KIRREL3: variants seen among roughly 807,000 people sequenced by gnomAD.
KIRREL3 encodes kirre like nephrin family adhesion molecule 3.
KIRREL3 carries 36 observed loss-of-function variants against 89.7 expected under a neutral mutation model. That is an observed-to-expected ratio of 0.40 (90% confidence interval 0.31 to 0.53). The LOEUF is 0.53. KIRREL3 is among the 20% of genes least tolerant of loss of function. KIRREL3 has a pLI of 0.49. For synonymous variants in KIRREL3, 445 were observed against 441.4 expected (o/e 1.01, Z -0.10); for missense variants, 864 against 1,056.6 (o/e 0.82, Z 2.53).
At position 126,972,168 on chromosome 11, in the gene KIRREL3, T is replaced by TAGAGAGAGAGAGAGAGAGAGAGAGAGAG. The variant is rs61426707; in HGVS notation, c.55+28259_55+28286dup. On this transcript the variant is annotated intron_variant, in intron 1 of 16. Transcript: ENST00000525144. ...CTGGTGCCTATGCAAGAGGGTCTGG[T>TAGAGAGAGAGAGAGAGAGAGAGAGAGAG]AGAGAGAGAGAGAGAGAGAGAGAGA... Among the ~76,000 whole-genome samples the TAGAGAGAGAGAGAGAGAGAGAGAGAGAG allele has an allele frequency of 2.9e-4, 35 of 119,912 alleles. 4 individuals are homozygous for TAGAGAGAGAGAGAGAGAGAGAGAGAGAG. The highest frequency in any genetic ancestry group is 6.7e-4 in the South Asian group (2 of 2,998). The allele number at this position is 119,912 out of a possible 152,430, so 78.7% of individuals were successfully genotyped here.
At chr11:126,911,593 C>T (rs1946816701) in intron 1 of KIRREL3, among the ~76,000 whole-genome samples, 2 of 152,178 alleles carry the variant, frequency 1.3e-5, no homozygotes, top group Admixed American at 1.3e-4. Context: ...TGTGGACCAC[C>T]CCTCAGGAAG....
intron 1 of KIRREL3, among the ~76,000 whole-genome samples, chr11:126,881,877 G>T (rs942803623): frequency 2.6e-5 from 4 of 152,098 alleles, no homozygotes; most frequent in East Asian, 1.9e-4. Context: ...GAAACAACAG[G>T]TGTCTGATTT....
Position 126,496,500 on chromosome 11 carries a change from T to C in KIRREL3, c.434-23034A>G, listed in dbSNP as rs1957659661. Among the ~76,000 whole-genome samples the C allele has an allele frequency of 6.6e-6, 1 of 152,074 alleles. No individual in the cohort carries two copies. On this transcript the variant is annotated intron_variant, in intron 4 of 16. Transcript: ENST00000525144. This position sits in a 1 kb window ranked among gnomAD's most constrained non-coding sequence, Gnocchi z 4.9. ...CTGCCACCCCATGGCTGCCATTTCT[T>C]CTCACTCCCTTCACAAATGAGAACC... is the stretch of plus-strand genomic sequence containing the variant.
intron 1 of KIRREL3, among the ~76,000 whole-genome samples, chr11:126,675,948 T>C (rs955087307): frequency 2.6e-5 from 4 of 152,164 alleles, no homozygotes; most frequent in South Asian, 2.1e-4. Flanking sequence ...GACTGAAAGA[T>C]AGAAGGAGAG....
chr11:126,581,916 T>A (rs1941572091), intron 1 of KIRREL3, among the ~76,000 whole-genome samples: 2 of 152,068 alleles, frequency 1.3e-5, no homozygotes, highest in Admixed American at 1.3e-4. Flanking sequence ...TGAGCACAGG[T>A]AACAGACCAC....
Position 126,463,034 on chromosome 11 carries a change from G to A in KIRREL3, c.742+123C>T, listed in dbSNP as rs563082404. On this transcript the variant is annotated intron_variant, in intron 6 of 16. Coordinates refer to ENST00000525144, the MANE Select transcript of KIRREL3 (RefSeq NM_032531.4). The surrounding 1 kb of genome is among the most constrained non-coding windows in gnomAD (Gnocchi z 5.9). ...CCTTCCTGTCCGTATCTACAAGCTGGCCAATCCACAGAGCTGCCTGACCCA... is the reference window on the plus strand; with the variant it reads ...CCTTCCTGTCCGTATCTACAAGCTGACCAATCCACAGAGCTGCCTGACCCA... 78 of 879,318 alleles carry A rather than the reference G, an allele frequency of 8.9e-5. 1 individual carries two copies. In the South Asian group the frequency reaches 1.3e-3, roughly 14 times the overall value. The allele number at this position is 879,318 out of a possible 1,614,324, so 54.5% of individuals were successfully genotyped here.
intron 1 of KIRREL3, among the ~76,000 whole-genome samples, chr11:126,888,144 A>G (rs1945771557): frequency 6.6e-6 from 1 of 152,224 alleles, no homozygotes; most frequent in African/African-American, 2.4e-5. Flanking sequence ...CATACAGCAC[A>G]TACTGGAGTG....
rs57753203 is a variant in KIRREL3 at position 126,668,693 on chromosome 11, TTTTCTTTC to T, written c.56-105789_56-105782del. On this transcript the variant is annotated intron_variant, in intron 1 of 16. Coordinates refer to ENST00000525144, the MANE Select transcript of KIRREL3 (RefSeq NM_032531.4). The surrounding 1 kb of genome is among the most constrained non-coding windows in gnomAD (Gnocchi z 4.4). The stretch of plus-strand genomic sequence containing the variant: ...TAAAGAGCTGTTGGGAAGTTTCTGT[TTTTCTTTC>T]TTTCTTTCTTTCTTTCTTTCTTTCT... 0.058 allele frequency among the ~76,000 whole-genome samples: 7,329 copies of T among 126,616 alleles called. 282 individuals are homozygous for T. The highest frequency in any genetic ancestry group is 0.082 in the African/African-American group (2,653 of 32,538). 83.1% of individuals were successfully genotyped at this position (126,616 alleles called of 152,430 possible). A position where few individuals can be genotyped will look rare whatever the true frequency, so the allele number is the denominator to read the frequency against.
At chr11:126,650,366 A>T (rs150406291) in intron 1 of KIRREL3, among the ~76,000 whole-genome samples, 204 of 152,260 alleles carry the variant, frequency 1.3e-3, no homozygotes, top group Middle Eastern at 3.4e-3. Flanking sequence ...GTCAGGCTGC[A>T]TATTTTCTGA....
intron 1 of KIRREL3, among the ~76,000 whole-genome samples, chr11:126,786,902 G>A (rs1418741741): frequency 2.0e-5 from 3 of 152,216 alleles, no homozygotes; most frequent in Non-Finnish European, 4.4e-5. Context: ...TGCAGGAAGG[G>A]AGGACAGGGC....
At chr11:126,456,609 G>A (rs981832261) in intron 6 of KIRREL3, among the ~76,000 whole-genome samples, 155 bp from the exon 7 acceptor site, 38 of 152,214 alleles carry the variant, frequency 2.5e-4, no homozygotes, top group African/African-American at 8.9e-4. Context: ...GGCTCCATGG[G>A]AGGTGCCTGC....
intron 1 of KIRREL3, among the ~76,000 whole-genome samples, chr11:126,866,154 G>C (rs1249018625): frequency 2.0e-5 from 3 of 152,246 alleles, no homozygotes; most frequent in Non-Finnish European, 4.4e-5. Context: ...ATCTTAGAGA[G>C]TGATGGGGGA....
intron 4 of KIRREL3, among the ~76,000 whole-genome samples, chr11:126,481,763 C>T (rs913795491): frequency 6.6e-6 from 1 of 152,250 alleles, no homozygotes; most frequent in Non-Finnish European, 1.5e-5. Flanking sequence ...TCCTAGTCCT[C>T]TGTGCTTTTC....
rs1947090596 is a variant in KIRREL3, at chr11:126,696,250, C to G, written c.56-133338G>C. On this transcript the variant is annotated intron_variant, in intron 1 of 16. Coordinates refer to ENST00000525144, the MANE Select transcript of KIRREL3 (RefSeq NM_032531.4). This position sits in a 1 kb window ranked among gnomAD's most constrained non-coding sequence, Gnocchi z 4.4. ...CCAGCCTGGGCCACTGAGCGAGACT[C>G]TATCTCAATTAAAAAAAAAAAAAAA... is the stretch of plus-strand genomic sequence containing the variant. Among the ~76,000 whole-genome samples the G allele has an allele frequency of 1.3e-5, 2 of 149,260 alleles. No individual in the cohort carries two copies. Among genetic ancestry groups the G allele is most frequent in the African/African-American group, 4.9e-5 (2 of 40,406 alleles).
chr11:126,922,121 GTCTATCTATCTATCTATCTA>G (rs60938174), intron 1 of KIRREL3, among the ~76,000 whole-genome samples: 20 of 139,964 alleles, frequency 1.4e-4, no homozygotes, highest in African/African-American at 3.5e-4. Context: ...CTATCTGTCT[GTCTATCTATCTATCTATCTA>G]TCTATCTATC....
intron 2 of KIRREL3, among the ~76,000 whole-genome samples, chr11:126,539,079 C>A (rs139966540): frequency 5.9e-5 from 9 of 152,316 alleles, no homozygotes; most frequent in African/African-American, 1.7e-4. Context: ...TCTGACCCTG[C>A]CATTATGGCT....
chr11:126,674,032 C>G (rs1946076728), intron 1 of KIRREL3, among the ~76,000 whole-genome samples: 1 of 152,202 alleles, frequency 6.6e-6, no homozygotes. Context: ...GCCATGGTGT[C>G]TTCACCGGAC....
intron 4 of KIRREL3, among the ~76,000 whole-genome samples, chr11:126,481,884 C>T (rs1334746139): frequency 6.6e-6 from 1 of 152,212 alleles, no homozygotes; most frequent in African/African-American, 2.4e-5. Flanking sequence ...CTGAAAGTCC[C>T]TCATTGCCAT....
At chr11:126,865,483 C>T (rs532834374) in intron 1 of KIRREL3, among the ~76,000 whole-genome samples, 154 of 152,342 alleles carry the variant, frequency 1.0e-3, no homozygotes, top group Non-Finnish European at 1.8e-3. Flanking sequence ...AGCAACAATG[C>T]CCCGGTGCTT....
Sources: gnomAD v4.1 joint callset for allele counts (sites outside exome capture counted in the v4.1 genomes callset) on GRCh38, gnomAD v4.1.1 for gene constraint, Gnocchi (gnomAD v3.1) non-coding constraint, MANE v1.5 for transcripts, NCBI Gene and HGNC (gene_info 2026-07-23, HGNC 2026-07-21) for gene names.